Variants in LAP3 observed in about 807,000 individuals in gnomAD.
LAP3 encodes cytosol aminopeptidase.
In LAP3, 46 loss-of-function variants were observed where a neutral mutation model predicts 58.8. The ratio of observed to expected loss-of-function variants is 0.78; its 90% CI spans 0.62 to 1.00. The LOEUF (loss-of-function observed/expected upper bound fraction) is 1.00. LAP3 is among the 50% of genes least tolerant of loss of function. The probability of loss-of-function intolerance (pLI) is 0.00; values close to 1 mark genes in which losing one functional copy is unlikely to be tolerated. For missense variants in LAP3, 615 were observed against 659.1 expected, an observed-to-expected ratio of 0.93 and a Z score of 0.73; for synonymous variants, 257 against 237.7, an observed-to-expected ratio of 1.08 and a Z score of -0.75.
At chr4:17,588,040 T>G (rs994330204) in intron 6 of LAP3, among the ~76,000 whole-genome samples, 1 of 152,118 alleles carries the variant, frequency 6.6e-6, no homozygotes, top group Admixed American at 6.5e-5. Flanking sequence ...TAATTTTATT[T>G]TTTTAAGAGA....
chr4:17,577,871 G>A (rs1226278601), intron 1 of LAP3, among the ~76,000 whole-genome samples: 4 of 152,190 alleles, frequency 2.6e-5, no homozygotes, highest in Non-Finnish European at 4.4e-5. Flanking sequence ...GTAACCCGGG[G>A]AAAGACGCGG....
chr4:17,580,434 G>C (rs1164823852), intron 2 of LAP3, among the ~76,000 whole-genome samples: 1 of 151,624 alleles, frequency 6.6e-6, no homozygotes, highest in East Asian at 2.0e-4. Flanking sequence ...TTCTGTTTCA[G>C]TATGGATGGG....
rs1281455103 is a variant in LAP3, at chr4:17,580,868, GTAT to G, written c.219-887_219-885del. Among the ~76,000 whole-genome samples, 8 of 152,304 alleles carry G rather than the reference GTAT, an allele frequency of 5.3e-5. No homozygotes were observed. The East Asian group carries it at 1.5e-3, about 29-fold the overall frequency. On this transcript the variant is annotated intron_variant, in intron 2 of 12. Coordinates refer to ENST00000226299, the MANE Select transcript of LAP3 (RefSeq NM_015907.3). Reference sequence around the variant, plus strand: ...TATCCATGTAAACCACTGCAACTATGTATTATTCGGATTATAGATAGCCTATTG... The same window carrying G: ...TATCCATGTAAACCACTGCAACTATGTATTCGGATTATAGATAGCCTATTG...
chr4:17,605,033 G>A (rs571735645), intron 11 of LAP3, among the ~76,000 whole-genome samples: 7 of 152,076 alleles, frequency 4.6e-5, no homozygotes, highest in South Asian at 4.2e-4. Context: ...ACCCTGCATC[G>A]ATGAGGATGT....
intron 4 of LAP3, 79 bp downstream of exon 4, chr4:17,582,472 T>C (rs765734622): frequency 7.0e-5 from 80 of 1,136,334 alleles, no homozygotes; most frequent in Non-Finnish European, 1.0e-4. Context: ...TTTGTCCTTT[T>C]ACCAGTTGCC....
chr4:17,583,811 T>G (rs1169940859), intron 5 of LAP3, among the ~76,000 whole-genome samples, 169 bp downstream of exon 5: 1 of 152,164 alleles, frequency 6.6e-6, no homozygotes, highest in African/African-American at 2.4e-5. Context: ...AAGCCCAAGC[T>G]CTGCTCCTGG....
In LAP3 at chr4:17,587,758, A is replaced by G. The variant is rs115586306; in HGVS notation, c.705-1061A>G. ...TCCATTCTGTTACCCCACCGATCCC[A>G]TGTTTATTAAGTAAGAACTAACTAG... On this transcript the variant is annotated intron_variant, in intron 6 of 12. Transcript: ENST00000226299. 357 of 152,278 alleles carry G rather than the reference A, an allele frequency of 2.3e-3. 2 individuals are homozygous for G. Among genetic ancestry groups the G allele is most frequent in the African/African-American group, 8.3e-3 (346 of 41,566 alleles). 9.4% of individuals were successfully genotyped at this position (152,278 alleles called of 1,614,324 possible). A position where few individuals can be genotyped will look rare whatever the true frequency, so the allele number is the denominator to read the frequency against.
chr4:17,583,548 C>G lies in LAP3; in HGVS notation c.445C>G (p.Gln149Glu). 1 of 1,614,182 alleles carries G rather than the reference C, an allele frequency of 6.2e-7. No homozygotes were observed. Among genetic ancestry groups the G allele is most frequent in the Non-Finnish European group, 8.5e-7 (1 of 1,180,028 alleles). ...GGAGGTGGATCCCTGTGGAGACGCT[C>G]AGGCTGCTGCGGAGGGAGCGGTGCT... ...SVEVDPCGDA[Q>E]AAAEGAVLGL... The change falls in exon 5 of 13, where the codon CAG becomes GAG. Residue 149 changes from glutamine (Q) to glutamate (E), a missense_variant. Physicochemically the swap from Gln to Glu is conservative, Grantham distance 29 (BLOSUM62 2). Transcript: ENST00000226299.
intron 10 of LAP3, among the ~76,000 whole-genome samples, chr4:17,603,151 C>CA (rs1168247492): frequency 6.6e-6 from 1 of 150,980 alleles, no homozygotes; most frequent in Non-Finnish European, 1.5e-5. Flanking sequence ...ACTAAAAATA[C>CA]AAAAAAAATT....
rs755213423 is a variant in LAP3, at chr4:17,597,057, C to G, written c.1000C>G (p.Leu334Val). Residue 334 changes from leucine (L) to valine (V), a missense_variant, in exon 9 of 13, where the codon CTT becomes GTT. Physicochemically the swap from Leu to Val is conservative, Grantham distance 32. Transcript: ENST00000226299. ...ATTATTTCCAATAGGTCTGGCCCCT[C>G]TTTGTGAAAATATGCCCAGCGGCAA... is the stretch of plus-strand genomic sequence containing the variant. ...LPINIIGLAPLCENMPSGKAN... is the reference protein window; with the variant it reads ...LPINIIGLAPVCENMPSGKAN... 12 of 1,614,072 alleles carry G rather than the reference C, an allele frequency of 7.4e-6. No individual in the cohort carries two copies. Among genetic ancestry groups the G allele is most frequent in the Non-Finnish European group, 1.0e-5 (12 of 1,180,016 alleles).
At chr4:17,595,606 A>T in intron 8 of LAP3, 72 bp downstream of exon 8, 1 of 1,488,748 alleles carries the variant, frequency 6.7e-7, no homozygotes. Flanking sequence ...GAGACAACAG[A>T]TATGATTTCC....
chr4:17,577,983 A>G (rs1713255751), intron 1 of LAP3, among the ~76,000 whole-genome samples: 1 of 152,204 alleles, frequency 6.6e-6, no homozygotes, highest in Non-Finnish European at 1.5e-5. Flanking sequence ...GCGGAAGTGA[A>G]AGGTCAGGGA....
intron 11 of LAP3, among the ~76,000 whole-genome samples, chr4:17,605,292 T>C (rs1222691998): frequency 6.6e-6 from 1 of 152,218 alleles, no homozygotes; most frequent in Non-Finnish European, 1.5e-5. Context: ...CCTCCTGTGA[T>C]TCTCCTGCTC....
rs1199133317 is a variant in LAP3, at chr4:17,585,018, C to G, written c.586C>G (p.Gln196Glu). The G allele has an allele frequency of 6.2e-7, 1 of 1,613,970 alleles. No individual in the cohort carries two copies. Among genetic ancestry groups the G allele is most frequent in the Admixed American group, 1.7e-5 (1 of 59,978 alleles). ...WQKGVLFASG[Q>E]NLARQLMETP... Reference sequence around the variant, plus strand: ...GAAAGGAGTCCTGTTTGCTTCTGGGCAGAACTTGGCACGCCAATTGATGGA... The same window carrying G: ...GAAAGGAGTCCTGTTTGCTTCTGGGGAGAACTTGGCACGCCAATTGATGGA... The change falls in exon 6 of 13, where the codon CAG becomes GAG. Residue 196 changes from glutamine (Q) to glutamate (E), a missense_variant. By Grantham distance (29) the Gln-to-Glu change is conservative (BLOSUM62 2). Coordinates refer to ENST00000226299, the MANE Select transcript of LAP3 (RefSeq NM_015907.3).
At chr4:17,581,699 G>A in intron 2 of LAP3, 61 bp from the exon 3 acceptor site, 2 of 1,289,942 alleles carry the variant, frequency 1.6e-6, no homozygotes, top group Admixed American at 3.4e-5. Flanking sequence ...ATGTAAGTGT[G>A]CCTTCCCAAG....
At chr4:17,591,412 A>G (rs918323974) in intron 7 of LAP3, among the ~76,000 whole-genome samples, 1 of 152,086 alleles carries the variant, frequency 6.6e-6, no homozygotes, top group African/African-American at 2.4e-5. Flanking sequence ...AAGTGCTGGG[A>G]TTACCGGTGT....
chr4:17,592,831 C>T (rs1433402754), intron 7 of LAP3, among the ~76,000 whole-genome samples: 2 of 152,192 alleles, frequency 1.3e-5, no homozygotes, highest in Non-Finnish European at 2.9e-5. Flanking sequence ...TTTTTTGAGA[C>T]GGAGTCTCGC....
intron 1 of LAP3, among the ~76,000 whole-genome samples, chr4:17,578,156 G>C (rs1235033565): frequency 1.3e-5 from 2 of 152,204 alleles, no homozygotes; most frequent in East Asian, 3.9e-4. Context: ...GATCTGCAAA[G>C]GGAATGGCTC....
At chr4:17,598,329 G>GAC (rs1190907725) in intron 9 of LAP3, 127 bp from the exon 10 acceptor site, 2 of 723,328 alleles carry the variant, frequency 2.8e-6, no homozygotes, top group Non-Finnish European at 5.1e-6. Flanking sequence ...ATTGAAGTAT[G>GAC]AATGGTTTGA....
Sources: gnomAD v4.1 joint callset for allele counts (sites outside exome capture counted in the v4.1 genomes callset) on GRCh38, gnomAD v4.1.1 for gene constraint, MANE v1.5 for transcripts, NCBI Gene and HGNC (gene_info 2026-07-23, HGNC 2026-07-21) for gene names.